The following ARHGAP10 variants were observed in gnomAD, a reference collection of about 807,000 sequenced individuals.
The protein encoded by ARHGAP10 is Rho GTPase activating protein 10.
Under a neutral mutation model 108.6 loss-of-function variants are expected in ARHGAP10, and 87 were observed. That is an observed-to-expected ratio of 0.80 (90% confidence interval 0.67 to 0.96). The LOEUF is 0.96. Ranked by LOEUF, ARHGAP10 falls within the 40% of genes least tolerant of loss-of-function variation. The probability of loss-of-function intolerance (pLI) is 0.00; values close to 1 mark genes in which losing one functional copy is unlikely to be tolerated. For synonymous variants in ARHGAP10, 347 were observed against 341.1 expected, an observed-to-expected ratio of 1.02 and a Z score of -0.19; for missense variants, 939 against 954.5, an observed-to-expected ratio of 0.98 and a Z score of 0.21.
chr4:147,793,266 CA>C (rs1370683994), intron 1 of ARHGAP10, among the ~76,000 whole-genome samples: 1 of 150,220 alleles, frequency 6.7e-6, no homozygotes, highest in Non-Finnish European at 1.5e-5. Context: ...TTTCAGTTCA[CA>C]AAATACTTAG....
At chr4:147,891,338 G>GA (rs1735788480) in intron 10 of ARHGAP10, among the ~76,000 whole-genome samples, 1 of 152,190 alleles carries the variant, frequency 6.6e-6, no homozygotes, top group Non-Finnish European at 1.5e-5. Context: ...CTAAGTGAAA[G>GA]AAGCCAGTCA....
In ARHGAP10 at chr4:147,766,761, A is replaced by T. The variant is rs1372245129; in HGVS notation, c.154+34306A>T. On this transcript the variant is annotated intron_variant, in intron 1 of 22. Transcript: ENST00000336498. Reference sequence around the variant, plus strand: ...TATATACGTAACTATATTCATGCATATATATTTTGAGCTCATATATATTCA... The same window carrying T: ...TATATACGTAACTATATTCATGCATTTATATTTTGAGCTCATATATATTCA... 1.7e-4 allele frequency among the ~76,000 whole-genome samples: 25 copies of T among 145,086 alleles called. 1 individual carries two copies. In the Admixed American group the frequency reaches 1.7e-3, roughly 10 times the overall value.
At chr4:147,818,779 A>AAGAAGT (rs1732367734) in intron 1 of ARHGAP10, among the ~76,000 whole-genome samples, 1 of 152,198 alleles carries the variant, frequency 6.6e-6, no homozygotes. Context: ...AGAAGAAGAC[A>AAGAAGT]TCTATAAAAT....
intron 1 of ARHGAP10, among the ~76,000 whole-genome samples, chr4:147,810,938 A>G (rs1731993013): frequency 6.6e-6 from 1 of 152,244 alleles, no homozygotes; most frequent in Non-Finnish European, 1.5e-5. Flanking sequence ...CAAAATGAAT[A>G]GAAATATCCC....
At chr4:147,901,675 C>A (rs1391840104) in intron 10 of ARHGAP10, among the ~76,000 whole-genome samples, 1 of 152,160 alleles carries the variant, frequency 6.6e-6, no homozygotes, top group Non-Finnish European at 1.5e-5. Flanking sequence ...GCTGTTTAAT[C>A]TGAAGCCTGA....
At chr4:147,801,362 A>G (rs1731574517) in intron 1 of ARHGAP10, among the ~76,000 whole-genome samples, 1 of 152,196 alleles carries the variant, frequency 6.6e-6, no homozygotes, top group Admixed American at 6.5e-5. Flanking sequence ...AGACTTCTCT[A>G]TAAGAAAAGA....
intron 12 of ARHGAP10, among the ~76,000 whole-genome samples, chr4:147,911,313 G>A (rs1399869484): frequency 2.0e-5 from 3 of 152,146 alleles, no homozygotes; most frequent in Non-Finnish European, 4.4e-5. Context: ...TAGTGTTACT[G>A]TTCCCTAGGT....
intron 3 of ARHGAP10, among the ~76,000 whole-genome samples, chr4:147,824,827 G>A (rs951407777): frequency 2.0e-5 from 3 of 152,196 alleles, no homozygotes; most frequent in Non-Finnish European, 4.4e-5. Context: ...TAAGATTTGG[G>A]TGGGGACACA....
chr4:147,854,703 A>G (rs1734019149), intron 4 of ARHGAP10: 1 of 984,174 alleles, frequency 1.0e-6, no homozygotes, highest in South Asian at 4.7e-5. Flanking sequence ...GCACAAAGAA[A>G]CAATAATACT....
At chr4:147,746,163 G>A (rs1360018423) in intron 1 of ARHGAP10, among the ~76,000 whole-genome samples, 1 of 151,854 alleles carries the variant, frequency 6.6e-6, no homozygotes, top group African/African-American at 2.4e-5. Context: ...GAGTGCTGTG[G>A]CGTGATCTTG....
chr4:148,042,477 T>A (rs1728674079), intron 19 of ARHGAP10, among the ~76,000 whole-genome samples: 1 of 152,216 alleles, frequency 6.6e-6, no homozygotes, highest in Non-Finnish European at 1.5e-5. Context: ...AATGGCCACA[T>A]GCTCTCCTGT....
intron 18 of ARHGAP10, among the ~76,000 whole-genome samples, chr4:147,967,983 C>T (rs1031709866): frequency 6.6e-6 from 1 of 152,124 alleles, no homozygotes; most frequent in East Asian, 1.9e-4. Flanking sequence ...GTCTGGAACA[C>T]GAAAAGAAGG....
chr4:147,967,562 C>T (rs1739251543), intron 18 of ARHGAP10, among the ~76,000 whole-genome samples: 1 of 152,190 alleles, frequency 6.6e-6, no homozygotes. Flanking sequence ...TCCCACCATA[C>T]CCACTCAGCA....
Position 147,732,289 on chromosome 4 carries a change from G to A in ARHGAP10, c.-13G>A. On this transcript the variant is annotated 5_prime_UTR_variant, in exon 1 of 23. Coordinates refer to ENST00000336498, the MANE Select transcript of ARHGAP10 (RefSeq NM_024605.4). Reference sequence around the variant, plus strand: ...CGCGCGGCCGTGCGCACCGCGCAGCGACCGCTGCCGTCATGGGGCTGCAGC... The same window carrying A: ...CGCGCGGCCGTGCGCACCGCGCAGCAACCGCTGCCGTCATGGGGCTGCAGC... The A allele has an allele frequency of 1.3e-6, 2 of 1,597,804 alleles. No homozygotes were observed. Among genetic ancestry groups the A allele is most frequent in the South Asian group, 1.1e-5 (1 of 89,436 alleles).
Position 147,965,123 on chromosome 4 carries a change from TAAC to T in ARHGAP10, c.1553_1555del (p.Thr518del). On this transcript the variant is annotated inframe_deletion, in exon 17 of 23. Transcript: ENST00000336498. ...ATGTTGGATATTTTGGTGAAACACT[TAAC>T]AAAGTAAGCCTCTTTTTCTTCGTTT... is the stretch of plus-strand genomic sequence containing the variant. 6.3e-7 allele frequency: 1 copy of T among 1,598,888 alleles called. No homozygotes were observed.
intron 10 of ARHGAP10, among the ~76,000 whole-genome samples, chr4:147,890,148 G>A (rs1338853813): frequency 6.6e-6 from 1 of 152,210 alleles, no homozygotes; most frequent in Non-Finnish European, 1.5e-5. Context: ...CTAGTTGCAA[G>A]GGAGGCTTCT....
chr4:147,855,362 TGTTA>T lies in ARHGAP10; in HGVS notation c.385-2187_385-2184del, dbSNP rs144123480. On this transcript the variant is annotated intron_variant, in intron 4 of 22. Transcript: ENST00000336498. ...CATCTGTTTGTTTCAGTTTATTTTC[TGTTA>T]GTTGTTAAAATAGTGGAAGAGCATA... 7.7e-3 allele frequency among the ~76,000 whole-genome samples: 1,171 copies of T among 152,286 alleles called. 9 individuals are homozygous for T. The highest frequency in any genetic ancestry group is 0.021 in the African/African-American group (882 of 41,544).
At chr4:147,782,281 T>A (rs1730566509) in intron 1 of ARHGAP10, among the ~76,000 whole-genome samples, 1 of 152,160 alleles carries the variant, frequency 6.6e-6, no homozygotes, top group South Asian at 2.1e-4. Flanking sequence ...TTGAACTACG[T>A]TGAGTTTTCA....
intron 12 of ARHGAP10, among the ~76,000 whole-genome samples, chr4:147,912,119 G>A (rs1736769087): frequency 1.3e-5 from 2 of 151,522 alleles, no homozygotes; most frequent in South Asian, 4.2e-4. Context: ...TTCCCTTAGA[G>A]ATTTGTATCA....
Sources: allele counts gnomAD v4.1 joint callset (sites outside exome capture counted in the v4.1 genomes callset), GRCh38; gene constraint gnomAD v4.1.1; transcripts MANE v1.5; gene names NCBI Gene and HGNC (gene_info 2026-07-23, HGNC 2026-07-21).